The following CCDC171 variants were observed in gnomAD, a reference collection of about 807,000 sequenced individuals.
CCDC171 encodes coiled-coil domain-containing protein 171.
In CCDC171, 177 loss-of-function variants were observed where a neutral mutation model predicts 168.2. That is an observed-to-expected ratio of 1.05 (90% CI 0.93 to 1.19). The LOEUF (loss-of-function observed/expected upper bound fraction) is 1.19. Ranked by LOEUF, CCDC171 falls within the 50% of genes most tolerant of loss-of-function variation. The pLI, the probability that CCDC171 is intolerant of heterozygous loss-of-function variation, is 0.00. For missense variants in CCDC171, 1,991 were observed against 1,539.0 expected (o/e 1.29, Z -4.91); for synonymous variants, 687 against 540.8 (o/e 1.27, Z -3.75).
intron 21 of CCDC171, among the ~76,000 whole-genome samples, chr9:15,811,995 A>G (rs567915890): frequency 2.0e-5 from 3 of 152,332 alleles, no homozygotes; most frequent in South Asian, 2.1e-4. Flanking sequence ...GAGGCAGACT[A>G]TGTATCTAAT....
At chr9:15,761,314 A>G (rs541722143) in intron 18 of CCDC171, among the ~76,000 whole-genome samples, 1 of 152,164 alleles carries the variant, frequency 6.6e-6, no homozygotes, top group African/African-American at 2.4e-5. Flanking sequence ...GTTGTGTTCA[A>G]CTCAACATTG....
intron 1 of CCDC171, among the ~76,000 whole-genome samples, chr9:16,044,863 C>T (rs1354895438): frequency 6.6e-6 from 1 of 152,154 alleles, no homozygotes; most frequent in African/African-American, 2.4e-5. Flanking sequence ...TCCAAAAGCC[C>T]TTTCTCCTTC....
At chr9:15,896,860 G>C (rs571778568) in intron 24 of CCDC171, among the ~76,000 whole-genome samples, 24 of 152,094 alleles carry the variant, frequency 1.6e-4, no homozygotes, top group Admixed American at 2.6e-4. Context: ...ATACATGTAG[G>C]ACCGAATATG....
intron 7 of CCDC171, among the ~76,000 whole-genome samples, chr9:15,643,058 CT>C (rs200889168): frequency 2.0e-5 from 3 of 151,162 alleles, no homozygotes; most frequent in African/African-American, 2.4e-5. Flanking sequence ...CCTTTATTTG[CT>C]TTTTTTTTAA....
intron 24 of CCDC171, chr9:15,875,748 G>T (rs1442094587): frequency 6.6e-6 from 1 of 151,662 alleles, no homozygotes; most frequent in Non-Finnish European, 1.5e-5. Flanking sequence ...TTTGTTATTA[G>T]TACCAAATTA....
At chr9:16,108,442 C>G in the CCDC171 span, among the ~76,000 whole-genome samples, 2 of 152,030 alleles carry the variant, frequency 1.3e-5, no homozygotes, top group Non-Finnish European at 2.9e-5. Flanking sequence ...CTTCTATTTC[C>G]CTTGATTTCC....
At chr9:15,627,816 C>T (rs202075141) in intron 7 of CCDC171, among the ~76,000 whole-genome samples, 5 of 152,014 alleles carry the variant, frequency 3.3e-5, no homozygotes, top group Non-Finnish European at 5.9e-5. Flanking sequence ...TGGAGAGTAC[C>T]GTAGATGTCT....
At chr9:15,692,713 G>T (rs892502439) in intron 10 of CCDC171, among the ~76,000 whole-genome samples, 1 of 151,586 alleles carries the variant, frequency 6.6e-6, no homozygotes, top group African/African-American at 2.4e-5. Context: ...ATATTTAGTA[G>T]AGACGGGGTT....
At chr9:15,993,447 G>A (rs1446420518) in intron 3 of CCDC171, among the ~76,000 whole-genome samples, 1 of 152,146 alleles carries the variant, frequency 6.6e-6, no homozygotes, top group African/African-American at 2.4e-5. Context: ...ATTATTTCAA[G>A]ATGGGTTAAA....
chr9:15,669,334 T>C (rs1210965316), intron 9 of CCDC171, among the ~76,000 whole-genome samples: 1 of 152,192 alleles, frequency 6.6e-6, no homozygotes, highest in Non-Finnish European at 1.5e-5. Context: ...TTTTTTATTT[T>C]TAATTATGGG....
Position 15,872,622 on chromosome 9 carries a change from C to G in CCDC171, c.3469-1910C>G, listed in dbSNP as rs1817305780. Among the ~76,000 whole-genome samples the G allele has an allele frequency of 2.6e-5, 4 of 151,896 alleles. No individual in the cohort carries two copies. In the South Asian group the frequency reaches 8.3e-4, roughly 32 times the overall value. On this transcript the variant is annotated intron_variant, in intron 23 of 25. Coordinates refer to ENST00000380701, the MANE Select transcript of CCDC171 (RefSeq NM_173550.4). Reference sequence around the variant, plus strand: ...TCGCAGTTAAACTTGACTTTCAAAGCTAATAGTATCTCATTTGGGGGCTCA... The same window carrying G: ...TCGCAGTTAAACTTGACTTTCAAAGGTAATAGTATCTCATTTGGGGGCTCA...
At position 15,784,492 on chromosome 9, in the gene CCDC171, T is replaced by G; in HGVS notation, c.3082-17T>G. ...GTTAGCTTTATAACTGATTCTCCCCTCTCCTCCTTTTTACAGAAATTGATC... is the reference window on the plus strand; with the variant it reads ...GTTAGCTTTATAACTGATTCTCCCCGCTCCTCCTTTTTACAGAAATTGATC... On this transcript the variant is annotated splice_polypyrimidine_tract_variant and intron_variant, in intron 20 of 25. Coordinates refer to ENST00000380701, the MANE Select transcript of CCDC171 (RefSeq NM_173550.4). 6.4e-7 allele frequency: 1 copy of G among 1,574,780 alleles called. No homozygotes were observed. The highest frequency in any genetic ancestry group is 1.3e-5 in the African/African-American group (1 of 74,216).
chr9:16,059,618 C>T (rs1046034440), intron 1 of CCDC171, among the ~76,000 whole-genome samples: 5 of 148,684 alleles, frequency 3.4e-5, no homozygotes, highest in African/African-American at 1.3e-4. Flanking sequence ...AGGTTCACGC[C>T]ATTCTCCTGC....
intron 21 of CCDC171, among the ~76,000 whole-genome samples, chr9:15,789,834 G>A (rs1268268535): frequency 2.8e-5 from 4 of 144,420 alleles, no homozygotes; most frequent in Non-Finnish European, 5.9e-5. Context: ...TCCCACCTAC[G>A]AATGAGAACA....
chr9:15,554,178 C>T (rs1257096094), intron 1 of CCDC171, among the ~76,000 whole-genome samples: 1 of 152,140 alleles, frequency 6.6e-6, no homozygotes, highest in Non-Finnish European at 1.5e-5. Context: ...CGCCGCCACG[C>T]CCGGCTAATT....
chr9:15,606,830 G>T (rs1466301368), intron 6 of CCDC171, among the ~76,000 whole-genome samples: 2 of 152,106 alleles, frequency 1.3e-5, no homozygotes, highest in Non-Finnish European at 2.9e-5. Flanking sequence ...AATATTTTAA[G>T]TTCAACAGCC....
intron 1 of CCDC171, among the ~76,000 whole-genome samples, chr9:15,560,849 CT>C (rs2039240070): frequency 8.5e-6 from 1 of 118,290 alleles, no homozygotes; most frequent in African/African-American, 2.7e-5. Flanking sequence ...GCTCTGGTTT[CT>C]CCCATCTTTG....
At chr9:15,573,578 C>A (rs1228383543) in intron 3 of CCDC171, among the ~76,000 whole-genome samples, 1 of 151,808 alleles carries the variant, frequency 6.6e-6, no homozygotes, top group East Asian at 1.9e-4. Context: ...CACTGTGCCC[C>A]GCCCAATTGA....
chr9:15,630,213 A>T (rs1033157309), intron 7 of CCDC171, among the ~76,000 whole-genome samples: 3 of 152,342 alleles, frequency 2.0e-5, no homozygotes, highest in Non-Finnish European at 2.9e-5. Flanking sequence ...AAGTGCTCCA[A>T]TTAAAAGACA....
Sources: allele counts gnomAD v4.1 joint callset (sites outside exome capture counted in the v4.1 genomes callset), GRCh38; gene constraint gnomAD v4.1.1; transcripts MANE v1.5; gene names NCBI Gene and HGNC (gene_info 2026-07-23, HGNC 2026-07-21).